PCCA: variants seen among roughly 807,000 people sequenced by gnomAD.
PCCA encodes the protein propionyl-CoA carboxylase subunit alpha.
A neutral mutation model predicts 101.3 loss-of-function variants in PCCA; 74 were observed. The observed-to-expected ratio is 0.73, with a 90% CI of 0.61 to 0.89. PCCA has a LOEUF of 0.89. Ranked by LOEUF, PCCA falls within the 40% of genes least tolerant of loss-of-function variation. The pLI is 0.00. For missense variants in PCCA, 891 were observed against 907.0 expected (o/e 0.98, Z 0.23); for synonymous variants, 294 against 313.6 (o/e 0.94, Z 0.66).
chr13:100,264,637 T>C (rs1403029929), intron 10 of PCCA, among the ~76,000 whole-genome samples: 1 of 152,200 alleles, frequency 6.6e-6, no homozygotes, highest in Non-Finnish European at 1.5e-5. Context: ...TTGTTGTTGA[T>C]GGATCTTTGG....
chr13:100,505,075 T>C (rs837292), intron 21 of PCCA, among the ~76,000 whole-genome samples: 91,201 of 152,130 alleles, frequency 0.6, 27,920 homozygotes, highest in East Asian at 0.85. Flanking sequence ...AGATCCTAAA[T>C]GGTAAACCAC....
chr13:100,093,092 A>G (rs2046422258), intron 1 of PCCA, among the ~76,000 whole-genome samples: 1 of 152,208 alleles, frequency 6.6e-6, no homozygotes, highest in Non-Finnish European at 1.5e-5. Flanking sequence ...AACTTTAAAA[A>G]ATGTAGGTGG....
At chr13:100,242,712 T>C (rs796335431) in intron 8 of PCCA, among the ~76,000 whole-genome samples, 23 of 152,324 alleles carry the variant, frequency 1.5e-4, no homozygotes, top group African/African-American at 4.3e-4. Context: ...TGCCCATGAC[T>C]CGCAATGTTC....
chr13:100,359,118 G>GA (rs2074289206), intron 18 of PCCA, among the ~76,000 whole-genome samples: 1 of 138,140 alleles, frequency 7.2e-6, no homozygotes, highest in African/African-American at 2.7e-5. Context: ...AAAAGAAAAA[G>GA]AAAAGAAAAA....
chr13:100,524,983 G>GGATGGATGGATAGATAAAGATA (rs1555330339), intron 22 of PCCA, among the ~76,000 whole-genome samples: 6 of 137,174 alleles, frequency 4.4e-5, no homozygotes, highest in African/African-American at 1.6e-4. Context: ...TCTCTAAGAT[G>GGATGGATGGATAGATAAAGATA]GATAGATAGA....
intron 21 of PCCA, among the ~76,000 whole-genome samples, chr13:100,506,667 A>G (rs1566477421): frequency 6.6e-6 from 1 of 151,898 alleles, no homozygotes; most frequent in Non-Finnish European, 1.5e-5. Context: ...CCTGGGGGGG[A>G]CTGAGGACTT....
chr13:100,231,572 A>C (rs1229603100), intron 7 of PCCA, among the ~76,000 whole-genome samples: 1 of 152,218 alleles, frequency 6.6e-6, no homozygotes, highest in Non-Finnish European at 1.5e-5. Context: ...CAAAATCATT[A>C]ATAATTTGAT....
intron 18 of PCCA, among the ~76,000 whole-genome samples, chr13:100,352,010 A>T (rs1274162491): frequency 6.6e-6 from 1 of 152,196 alleles, no homozygotes; most frequent in African/African-American, 2.4e-5. Context: ...AAATAACTTT[A>T]AAAAATAGTA....
At chr13:100,435,542 G>C (rs958929759) in intron 20 of PCCA, among the ~76,000 whole-genome samples, 3 of 152,118 alleles carry the variant, frequency 2.0e-5, no homozygotes, top group Non-Finnish European at 4.4e-5. Context: ...TCATGTTCCT[G>C]GTTTTCATTG....
intron 6 of PCCA, among the ~76,000 whole-genome samples, chr13:100,168,221 A>G (rs1047622027): frequency 6.6e-6 from 1 of 152,244 alleles, no homozygotes; most frequent in African/African-American, 2.4e-5. Context: ...AGATTGCTCC[A>G]GTCATTAACA....
chr13:100,335,610 C>T (rs1277364632), intron 17 of PCCA, among the ~76,000 whole-genome samples: 2 of 152,206 alleles, frequency 1.3e-5, no homozygotes, highest in Non-Finnish European at 2.9e-5. Context: ...CTCTCTTTCC[C>T]TCATCCTGGT....
At chr13:100,112,608 G>A (rs1433358849) in intron 4 of PCCA, among the ~76,000 whole-genome samples, 1 of 114,294 alleles carries the variant, frequency 8.7e-6, no homozygotes, top group Non-Finnish European at 1.7e-5. Flanking sequence ...ACAGAGTCTT[G>A]CTTTGTTGTC....
At chr13:100,119,165 CT>C (rs2049116012) in intron 4 of PCCA, among the ~76,000 whole-genome samples, 1 of 151,926 alleles carries the variant, frequency 6.6e-6, no homozygotes, top group African/African-American at 2.4e-5. Flanking sequence ...TTGAATCTGC[CT>C]GTTTTTATGT....
chr13:100,321,382 A>G (rs1014026102), intron 16 of PCCA, among the ~76,000 whole-genome samples: 5 of 152,138 alleles, frequency 3.3e-5, no homozygotes, highest in Non-Finnish European at 1.5e-5. Context: ...ACTTTCATCT[A>G]AACAAAAGCA....
At chr13:100,471,346 A>G (rs2082995766) in intron 21 of PCCA, among the ~76,000 whole-genome samples, 1 of 152,234 alleles carries the variant, frequency 6.6e-6, no homozygotes, top group Non-Finnish European at 1.5e-5. Flanking sequence ...ACCACAACAG[A>G]TAACGACGAA....
At chr13:100,440,200 AT>A (rs1566308463) in intron 20 of PCCA, among the ~76,000 whole-genome samples, 53 of 110,216 alleles carry the variant, frequency 4.8e-4, no homozygotes, top group Non-Finnish European at 4.1e-4. Context: ...ATATATATAT[AT>A]ATATATATAA....
chr13:100,257,766 G>T (rs1265355061), intron 9 of PCCA, 93 bp downstream of exon 9: 8 of 838,420 alleles, frequency 9.5e-6, no homozygotes, highest in Non-Finnish European at 1.4e-5. Context: ...AAGCATAATG[G>T]AGTAATTACA....
intron 19 of PCCA, among the ~76,000 whole-genome samples, chr13:100,381,939 G>GC (rs2076252428): frequency 6.6e-6 from 1 of 152,234 alleles, no homozygotes; most frequent in South Asian, 2.1e-4. Context: ...CCCCATGGCA[G>GC]CATCCAGGAG....
At chr13:100,176,179 T>A (rs2056224740) in intron 6 of PCCA, among the ~76,000 whole-genome samples, 1 of 152,124 alleles carries the variant, frequency 6.6e-6, no homozygotes, top group Non-Finnish European at 1.5e-5. Context: ...CATAGATCAG[T>A]AAAGAATAAC....
Sources: allele counts gnomAD v4.1 joint callset (sites outside exome capture counted in the v4.1 genomes callset), GRCh38; gene constraint gnomAD v4.1.1; transcripts MANE v1.5; gene names NCBI Gene and HGNC (gene_info 2026-07-23, HGNC 2026-07-21).